GRID2: variants seen among roughly 807,000 people sequenced by gnomAD.
GRID2 encodes glutamate receptor ionotropic, delta-2.
In GRID2, 33 loss-of-function variants were observed where a neutral mutation model predicts 114.8. The observed-to-expected ratio is 0.29, with a 90% CI of 0.22 to 0.38. GRID2 has a LOEUF of 0.38. Among genes scored for constraint, GRID2 ranks in the 10% least tolerant of loss-of-function variants. The pLI, the probability that GRID2 is intolerant of heterozygous loss-of-function variation, is 1.00. For missense variants in GRID2, 1,184 were observed against 1,257.7 expected (o/e 0.94, Z 0.89); for synonymous variants, 505 against 449.9 (o/e 1.12, Z -1.55).
chr4:93,552,092 T>A (rs932974602), intron 13 of GRID2, among the ~76,000 whole-genome samples: 1 of 143,462 alleles, frequency 7.0e-6, no homozygotes, highest in Non-Finnish European at 1.5e-5. Flanking sequence ...ATGTGTTCTC[T>A]TTATTCAATT....
At chr4:93,685,886 A>C (rs906070590) in intron 14 of GRID2, among the ~76,000 whole-genome samples, 3 of 151,950 alleles carry the variant, frequency 2.0e-5, no homozygotes, top group African/African-American at 7.2e-5. Flanking sequence ...AATTGTCCTT[A>C]ATTTCTGTAT....
intron 10 of GRID2, 97 bp downstream of exon 10, chr4:93,423,065 A>G (rs1768460912): frequency 1.2e-6 from 1 of 808,490 alleles, no homozygotes; most frequent in Non-Finnish European, 2.0e-6. Flanking sequence ...CTGATTTCAT[A>G]TAAAATAAGT....
chr4:93,713,207 T>C (rs1278194830), intron 14 of GRID2, among the ~76,000 whole-genome samples: 1 of 152,180 alleles, frequency 6.6e-6, no homozygotes. Flanking sequence ...GTAATAATCT[T>C]TTCTTTTTCA....
chr4:92,701,501 G>A (rs898513180), intron 2 of GRID2, among the ~76,000 whole-genome samples: 5 of 152,022 alleles, frequency 3.3e-5, no homozygotes, highest in Admixed American at 1.3e-4. Context: ...TAGACCACAG[G>A]AAAATCTAGG....
rs543862710 is a variant in GRID2 at position 92,688,270 on chromosome 4, G to A, written c.244+97984G>A. 4.8e-4 allele frequency among the ~76,000 whole-genome samples: 72 copies of A among 151,150 alleles called. 1 individual carries two copies. The highest frequency in any genetic ancestry group is 3.6e-3 in the South Asian group (17 of 4,754). ...TCACTATTTTGGCCAGGCTGGTCTC[G>A]AACTCCCGACCTCAGGTGATCTGCC... is the stretch of plus-strand genomic sequence containing the variant. On this transcript the variant is annotated intron_variant, in intron 2 of 15. Coordinates refer to ENST00000282020, the MANE Select transcript of GRID2 (RefSeq NM_001510.4).
At chr4:92,586,479 T>C (rs1728457085) in intron 1 of GRID2, among the ~76,000 whole-genome samples, 1 of 152,092 alleles carries the variant, frequency 6.6e-6, no homozygotes, top group East Asian at 1.9e-4. Flanking sequence ...CAAGTAAGTA[T>C]ATGTATTTTG....
At chr4:93,288,251 G>A (rs1753382081) in intron 8 of GRID2, among the ~76,000 whole-genome samples, 1 of 152,210 alleles carries the variant, frequency 6.6e-6, no homozygotes, top group Non-Finnish European at 1.5e-5. Flanking sequence ...ATACTGTTGA[G>A]ATGATGCAGC....
chr4:92,371,784 A>G (rs1389574029), intron 1 of GRID2, among the ~76,000 whole-genome samples: 2 of 152,206 alleles, frequency 1.3e-5, no homozygotes, highest in Non-Finnish European at 2.9e-5. Flanking sequence ...AAAACATTTC[A>G]TAAGACTATA....
chr4:92,818,783 A>G (rs1459467298), intron 2 of GRID2, among the ~76,000 whole-genome samples: 1 of 152,138 alleles, frequency 6.6e-6, no homozygotes, highest in Non-Finnish European at 1.5e-5. Context: ...ACATATGAAT[A>G]TACTCAATGA....
intron 1 of GRID2, among the ~76,000 whole-genome samples, chr4:92,535,318 A>C (rs1412847192): frequency 1.3e-5 from 2 of 152,152 alleles, no homozygotes; most frequent in Admixed American, 1.3e-4. Context: ...AAAATATTTC[A>C]ACTTTCTTAT....
chr4:93,421,345 G>C (rs981360165), intron 9 of GRID2, among the ~76,000 whole-genome samples: 10 of 152,248 alleles, frequency 6.6e-5, no homozygotes, highest in Middle Eastern at 3.4e-3. Context: ...AATATAATTA[G>C]AGAAGAAGAG....
chr4:93,772,389 G>C lies in GRID2; in HGVS notation c.2915G>C (p.Gly972Ala). 6.2e-7 allele frequency: 1 copy of C among 1,613,882 alleles called. No individual in the cohort carries two copies. The highest frequency in any genetic ancestry group is 1.3e-5 in the African/African-American group (1 of 74,976). The change falls in exon 16 of 16, where the codon GGG (glycine) becomes GCG (alanine). Residue 972 changes from glycine to alanine, a missense_variant. Gly to Ala is a moderately conservative substitution (Grantham distance 60). Coordinates refer to ENST00000282020, the MANE Select transcript of GRID2 (RefSeq NM_001510.4). ...TGPFRHRAPN[G>A]GFFRSPIKTM... ...CCTTTTAGGCACAGGGCACCTAATG[G>C]GGGCTTTTTCAGGAGTCCTATAAAA...
In GRID2 at chr4:93,168,381, T is replaced by A. The variant is rs1047615180; in HGVS notation, c.736-39023T>A. On this transcript the variant is annotated intron_variant, in intron 4 of 15. Transcript: ENST00000282020. ...AAGTTTTAGATGAAATCTCATTAGATAAGGACAGTTTTCTCTCACTAGCTA... is the reference window on the plus strand; with the variant it reads ...AAGTTTTAGATGAAATCTCATTAGAAAAGGACAGTTTTCTCTCACTAGCTA... Among the ~76,000 whole-genome samples the A allele has an allele frequency of 1.6e-4, 25 of 152,228 alleles. 1 individual carries two copies. Among genetic ancestry groups the A allele is most frequent in the Admixed American group, 1.6e-3 (25 of 15,274 alleles).
At chr4:93,045,457 CTT>C (rs1726041036) in intron 2 of GRID2, among the ~76,000 whole-genome samples, 1 of 152,002 alleles carries the variant, frequency 6.6e-6, no homozygotes, top group Admixed American at 6.6e-5. Flanking sequence ...ACCAAAATAA[CTT>C]TGCTTTCATC....
At chr4:93,508,122 C>T (rs935528649) in intron 12 of GRID2, among the ~76,000 whole-genome samples, 8 of 151,362 alleles carry the variant, frequency 5.3e-5, no homozygotes, top group Non-Finnish European at 1.2e-4. Flanking sequence ...CAAACCTGCA[C>T]GTTGTGCACA....
intron 8 of GRID2, among the ~76,000 whole-genome samples, chr4:93,315,508 A>G (rs554185547): frequency 3.3e-5 from 5 of 152,030 alleles, no homozygotes; most frequent in Non-Finnish European, 7.4e-5. Context: ...ACTTATCACA[A>G]TCTAACATAA....
At chr4:93,056,214 C>T (rs1173654675) in intron 2 of GRID2, among the ~76,000 whole-genome samples, 1 of 151,846 alleles carries the variant, frequency 6.6e-6, no homozygotes, top group Non-Finnish European at 1.5e-5. Flanking sequence ...AACATATGTT[C>T]GAGTTATAGA....
intron 1 of GRID2, among the ~76,000 whole-genome samples, chr4:92,442,691 T>G (rs1365348828): frequency 1.3e-5 from 2 of 152,116 alleles, no homozygotes; most frequent in South Asian, 2.1e-4. Context: ...TAAGATGGCC[T>G]TTTGACCTTT....
chr4:92,883,636 T>A (rs1357008635), intron 2 of GRID2, among the ~76,000 whole-genome samples: 1 of 152,222 alleles, frequency 6.6e-6, no homozygotes, highest in East Asian at 1.9e-4. Flanking sequence ...ATGGACGTTG[T>A]GTTAGCAGGC....
Sources: gnomAD v4.1 joint callset for allele counts (sites outside exome capture counted in the v4.1 genomes callset) on GRCh38, gnomAD v4.1.1 for gene constraint, MANE v1.5 for transcripts, NCBI Gene and HGNC (gene_info 2026-07-23, HGNC 2026-07-21) for gene names.